SPAG17: variants seen among roughly 807,000 people sequenced by gnomAD.
SPAG17 encodes sperm associated antigen 17.
SPAG17 carries 169 observed loss-of-function variants against 273.6 expected under a neutral mutation model. The observed-to-expected ratio is 0.62, with a 90% confidence interval of 0.55 to 0.70. The LOEUF (loss-of-function observed/expected upper bound fraction) is 0.70. Among genes scored for constraint, SPAG17 ranks in the 30% least tolerant of loss-of-function variants. The probability of loss-of-function intolerance (pLI) is 0.00; values close to 1 mark genes in which losing one functional copy is unlikely to be tolerated. For synonymous variants in SPAG17, 825 were observed against 873.2 expected, an observed-to-expected ratio of 0.94 and a Z score of 0.97; for missense variants, 2,557 against 2,627.8, an observed-to-expected ratio of 0.97 and a Z score of 0.59.
rs587783068 is a variant in SPAG17, at chr1:118,008,186, C to A, written c.4445G>T (p.Arg1482Leu). 97 of 1,613,744 alleles carry A rather than the reference C, an allele frequency of 6.0e-5. No homozygotes were observed. The Middle Eastern group carries it at 6.3e-3, about 105-fold the overall frequency. Reference protein sequence around the residue: ...PDDQETTEGPRTVTRQVKCMR... With the variant: ...PDDQETTEGPLTVTRQVKCMR... Reference sequence around the variant, plus strand: ...ACACTTCACCTGCCTGGTGACAGTCCGAGGACCCTCGGCTACAAGCAAATG... The same window carrying A: ...ACACTTCACCTGCCTGGTGACAGTCAGAGGACCCTCGGCTACAAGCAAATG... The change falls in exon 31 of 49, where the codon CGG becomes CTG. Residue 1482 changes from arginine (R) to leucine (L), a missense_variant. Physicochemically the swap from Arg to Leu is moderately radical, Grantham distance 102. Coordinates refer to ENST00000336338, the MANE Select transcript of SPAG17 (RefSeq NM_206996.4).
chr1:118,012,330 T>G lies in SPAG17; in HGVS notation c.4330A>C (p.Lys1444Gln). The G allele has an allele frequency of 1.2e-6, 2 of 1,613,798 alleles. No individual in the cohort carries two copies. Among genetic ancestry groups the G allele is most frequent in the East Asian group, 2.2e-5 (1 of 44,834 alleles). The part of the protein sequence containing the change: ...REDKVVIVER[K>Q]DGTRIVDHAD... Reference sequence around the variant, plus strand: ...TGATCCACTATCCGAGTACCATCTTTCCTTTCAACTATGACAACTTTGTCT... The same window carrying G: ...TGATCCACTATCCGAGTACCATCTTGCCTTTCAACTATGACAACTTTGTCT... The change falls in exon 30 of 49, where the codon AAA becomes CAA. Residue 1444 changes from lysine (K) to glutamine (Q), a missense_variant. Coordinates refer to ENST00000336338, the MANE Select transcript of SPAG17 (RefSeq NM_206996.4).
At chr1:118,183,590 A>C (rs1284576869) in intron 1 of SPAG17, among the ~76,000 whole-genome samples, 1 of 152,222 alleles carries the variant, frequency 6.6e-6, no homozygotes, top group Non-Finnish European at 1.5e-5. Context: ...TATTGAAGTT[A>C]TATTGTTTGA....
chr1:118,074,039 CAACT>C, intron 16 of SPAG17, 72 bp from the exon 17 acceptor site: 1 of 985,014 alleles, frequency 1.0e-6, no homozygotes, highest in Admixed American at 2.6e-5. Context: ...TGGGCTCCGT[CAACT>C]AACCAGTATG....
intron 27 of SPAG17, 117 bp downstream of exon 27, chr1:118,025,121 T>C: frequency 2.7e-6 from 2 of 746,430 alleles, no homozygotes; most frequent in Non-Finnish European, 4.3e-6. Flanking sequence ...CATTTGAAGG[T>C]GTCATTCCTT....
intron 2 of SPAG17, 108 bp from the exon 3 acceptor site, chr1:118,150,737 G>T: frequency 1.7e-6 from 1 of 600,206 alleles, no homozygotes; most frequent in Non-Finnish European, 2.9e-6. Flanking sequence ...GGGGAACCTA[G>T]CAAGAAAGAG....
chr1:118,127,909 G>T (rs996958833), intron 3 of SPAG17, among the ~76,000 whole-genome samples: 4 of 152,108 alleles, frequency 2.6e-5, no homozygotes, highest in African/African-American at 9.7e-5. Context: ...GGATCATGAG[G>T]TCAAGAGACT....
chr1:117,976,956 TA>T (rs1463757359), intron 43 of SPAG17, among the ~76,000 whole-genome samples: 8 of 152,216 alleles, frequency 5.3e-5, no homozygotes, highest in Admixed American at 1.3e-4. Context: ...CTTATTTACT[TA>T]CACTGATTTC....
chr1:118,047,742 G>C (rs1650528605), intron 20 of SPAG17, among the ~76,000 whole-genome samples: 1 of 152,058 alleles, frequency 6.6e-6, no homozygotes, highest in African/African-American at 2.4e-5. Context: ...TGCAGCCCCA[G>C]ACTCCAGGCT....
chr1:118,025,292 C>G lies in SPAG17; in HGVS notation c.3855G>C (p.Arg1285Ser). The G allele has an allele frequency of 6.2e-7, 1 of 1,613,692 alleles. No homozygotes were observed. Among genetic ancestry groups the G allele is most frequent in the Non-Finnish European group, 8.5e-7 (1 of 1,179,800 alleles). ...CAACAGTGCCTTGACTGGTGATAAC[C>G]CTTGAAGCCTCCTGCTCTGCGGGTG... ...VMPPAEQEAS[R>S]VITSQGTVVK... The change falls in exon 27 of 49, where the codon AGG becomes AGC. Residue 1285 changes from arginine (R) to serine (S), a missense_variant. Transcript: ENST00000336338.
intron 19 of SPAG17, 67 bp downstream of exon 19, chr1:118,055,666 A>G: frequency 8.5e-7 from 1 of 1,169,632 alleles, no homozygotes; most frequent in Non-Finnish European, 1.2e-6. Flanking sequence ...CACAGTCTTG[A>G]TTAAATTAAG....
At chr1:117,972,100 T>TAAA in intron 44 of SPAG17, 53 bp from the exon 45 acceptor site, 2 of 1,228,440 alleles carry the variant, frequency 1.6e-6, no homozygotes, top group Non-Finnish European at 2.2e-6. Context: ...TTCCCAAGAT[T>TAAA]AAAAAAAAAA....
intron 43 of SPAG17, among the ~76,000 whole-genome samples, chr1:117,974,440 T>C (rs1041519321): frequency 1.3e-5 from 2 of 152,146 alleles, no homozygotes; most frequent in African/African-American, 2.4e-5. Context: ...AACTGAATTA[T>C]ACCCAGATCT....
intron 13 of SPAG17, among the ~76,000 whole-genome samples, chr1:118,083,535 C>T (rs748190860): frequency 5.3e-5 from 8 of 151,878 alleles, no homozygotes; most frequent in South Asian, 2.1e-4. Context: ...TCCTGTAATC[C>T]CAGCACTTTG....
At chr1:118,152,893 GA>G (rs1260076351) in intron 1 of SPAG17, among the ~76,000 whole-genome samples, 1 of 152,098 alleles carries the variant, frequency 6.6e-6, no homozygotes, top group Non-Finnish European at 1.5e-5. Flanking sequence ...CATTAAAGGG[GA>G]AAAATCTCTT....
intron 1 of SPAG17, among the ~76,000 whole-genome samples, chr1:118,167,182 T>C (rs1660209141): frequency 2.0e-5 from 3 of 152,222 alleles, no homozygotes; most frequent in Non-Finnish European, 4.4e-5. Flanking sequence ...ATTTCTTTAC[T>C]AGAAACATGA....
chr1:117,987,441 G>A (rs1384204695), intron 40 of SPAG17, among the ~76,000 whole-genome samples: 2 of 152,176 alleles, frequency 1.3e-5, no homozygotes, highest in Admixed American at 1.3e-4. Context: ...GACAGCTGGA[G>A]TTGAAATCCC....
chr1:118,091,487 A>G (rs1469530187), intron 10 of SPAG17, 119 bp downstream of exon 10: 1 of 631,766 alleles, frequency 1.6e-6, no homozygotes, highest in African/African-American at 1.8e-5. Flanking sequence ...TCTAATCTTT[A>G]TAAAGGAGAA....
chr1:118,016,381 C>A (rs763185347), intron 28 of SPAG17, among the ~76,000 whole-genome samples, 199 bp from the exon 29 acceptor site: 1 of 152,118 alleles, frequency 6.6e-6, no homozygotes, highest in Admixed American at 6.6e-5. Context: ...GCACTTAAAC[C>A]ATGGCTAAAT....
At position 117,970,102 on chromosome 1, in the gene SPAG17, T is replaced by C. The variant is rs1357502969; in HGVS notation, c.6341A>G (p.Gln2114Arg). The change falls in exon 46 of 49, where the codon CAG becomes CGG. Residue 2114 changes from glutamine (Q) to arginine (R), a missense_variant. Transcript: ENST00000336338. ...GVDFCRFKVK[Q>R]PPPSTGLKVT... ...TTTCAGTCCTGTGCTGGGTGGGGGC[T>C]GCTTTACTTTAAACCTACAAGGCAG... 1 of 1,612,962 alleles carries C rather than the reference T, an allele frequency of 6.2e-7. No homozygotes were observed. The highest frequency in any genetic ancestry group is 1.7e-5 in the Admixed American group (1 of 59,738).
Sources: allele counts gnomAD v4.1 joint callset (sites outside exome capture counted in the v4.1 genomes callset), GRCh38; gene constraint gnomAD v4.1.1; transcripts MANE v1.5; gene names NCBI Gene and HGNC (gene_info 2026-07-23, HGNC 2026-07-21).